The following PPHLN1 variants were observed in gnomAD, a reference collection of about 807,000 sequenced individuals.
PPHLN1 encodes the protein periphilin-1.
In PPHLN1, 29 loss-of-function variants were observed where a neutral mutation model predicts 51.3. The observed-to-expected ratio is 0.57, with a 90% CI of 0.42 to 0.77. The LOEUF is 0.77. PPHLN1 is among the 30% of genes least tolerant of loss of function. The pLI, the probability that PPHLN1 is intolerant of heterozygous loss-of-function variation, is 0.00. For synonymous variants in PPHLN1, 147 were observed against 147.8 expected (o/e 0.99, Z 0.04); for missense variants, 436 against 438.4 (o/e 0.99, Z 0.05).
rs149247860 is a variant in PPHLN1 at position 42,389,161 on chromosome 12, A to G, written c.648+1626A>G. Among the ~76,000 whole-genome samples, 1,353 of 151,960 alleles carry G rather than the reference A, an allele frequency of 8.9e-3. 8 individuals carry two copies. The highest frequency in any genetic ancestry group is 0.013 in the Non-Finnish European group (867 of 67,936). On this transcript the variant is annotated intron_variant, in intron 7 of 9. Transcript: ENST00000358314. The stretch of plus-strand genomic sequence containing the variant: ...GCCGAGGCAGGCGGATCATGAGGTC[A>G]AGAGATCGAGACCATCCTGGCCAAC...
chr12:42,330,545 G>T (rs1464166026), intron 1 of PPHLN1, among the ~76,000 whole-genome samples: 1 of 152,156 alleles, frequency 6.6e-6, no homozygotes, highest in Non-Finnish European at 1.5e-5. Context: ...CAAGCAAACT[G>T]CCTGTAAACA....
intron 9 of PPHLN1, among the ~76,000 whole-genome samples, chr12:42,424,831 A>C (rs1365044738): frequency 1.3e-5 from 2 of 152,242 alleles, no homozygotes; most frequent in Non-Finnish European, 2.9e-5. Flanking sequence ...TACTATAAAA[A>C]AATGAAAGTT....
intron 4 of PPHLN1, among the ~76,000 whole-genome samples, chr12:42,367,659 CTG>C (rs2075400327): frequency 1.3e-5 from 2 of 152,026 alleles, no homozygotes; most frequent in South Asian, 4.2e-4. Flanking sequence ...TATCGTTTGT[CTG>C]TTTTTTATTA....
At chr12:42,432,124 T>G in intron 9 of PPHLN1, 1 of 1,333,230 alleles carries the variant, frequency 7.5e-7, no homozygotes, top group Non-Finnish European at 1.1e-6. Context: ...GGGCATCTCC[T>G]GCTGTCACGC....
chr12:42,329,794 C>T (rs1425530340), intron 1 of PPHLN1: 1 of 152,092 alleles, frequency 6.6e-6, no homozygotes, highest in Non-Finnish European at 1.5e-5. Context: ...GTGGCCTGCC[C>T]CTCCACACCT....
chr12:42,393,606 C>T lies in PPHLN1; in HGVS notation c.685C>T (p.Leu229Phe), dbSNP rs761717714. The T allele has an allele frequency of 5.0e-6, 8 of 1,609,854 alleles. No homozygotes were observed. The highest frequency in any genetic ancestry group is 5.9e-6 in the Non-Finnish European group (7 of 1,178,428). ...ACCCAGTAGGCTAACTGAAAAGGAA[C>T]TTGCTGAGGCTGCAAGCAAGTGGGC... is the stretch of plus-strand genomic sequence containing the variant. ...DKPSRLTEKE[L>F]AEAASKWAAE... The change falls in exon 8 of 10, where the codon CTT (leucine) becomes TTT (phenylalanine). Residue 229 changes from leucine to phenylalanine, a missense_variant. By Grantham distance (22) the Leu-to-Phe change is conservative. Transcript: ENST00000358314.
chr12:42,373,752 G>T (rs890888304), intron 4 of PPHLN1, among the ~76,000 whole-genome samples: 6 of 152,080 alleles, frequency 3.9e-5, no homozygotes, highest in Non-Finnish European at 7.4e-5. Flanking sequence ...GGGCTTACTT[G>T]GTGCTTTGAG....
chr12:42,407,192 T>C (rs2139445296), intron 9 of PPHLN1, among the ~76,000 whole-genome samples: 1 of 152,252 alleles, frequency 6.6e-6, no homozygotes, highest in Non-Finnish European at 1.5e-5. Flanking sequence ...TTGTAGAAAT[T>C]TTAGAGTCAG....
At chr12:42,436,147 A>G (rs1444687195) in intron 9 of PPHLN1, among the ~76,000 whole-genome samples, 1 of 152,202 alleles carries the variant, frequency 6.6e-6, no homozygotes, top group Non-Finnish European at 1.5e-5. Flanking sequence ...CTGGCATTTG[A>G]TTGACTGTGT....
chr12:42,417,615 C>T (rs1009946629), intron 9 of PPHLN1, among the ~76,000 whole-genome samples: 5 of 151,922 alleles, frequency 3.3e-5, no homozygotes, highest in Non-Finnish European at 4.4e-5. Context: ...AAAGGCAAAC[C>T]GGATTATTTA....
At chr12:42,428,483 C>T (rs1040000481) in intron 9 of PPHLN1, among the ~76,000 whole-genome samples, 1 of 152,124 alleles carries the variant, frequency 6.6e-6, no homozygotes, top group African/African-American at 2.4e-5. Flanking sequence ...AGATTGGAGA[C>T]TGTTATTCTA....
chr12:42,360,417 A>T (rs192574582), intron 4 of PPHLN1, among the ~76,000 whole-genome samples: 109 of 120,816 alleles, frequency 9.0e-4, no homozygotes, highest in African/African-American at 3.4e-3. Flanking sequence ...GGTCTAGGTT[A>T]TAGGTTTTTG....
intron 4 of PPHLN1, among the ~76,000 whole-genome samples, chr12:42,371,723 C>T (rs2075822223): frequency 6.6e-6 from 1 of 152,106 alleles, no homozygotes; most frequent in Non-Finnish European, 1.5e-5. Flanking sequence ...ATAAAATGCA[C>T]ACTGGATTTT....
At position 42,439,109 on chromosome 12, in the gene PPHLN1, C is replaced by T. The variant is rs866207215; in HGVS notation, c.910-2206C>T. Among the ~76,000 whole-genome samples, 8 of 152,280 alleles carry T rather than the reference C, an allele frequency of 5.3e-5. 1 individual carries two copies. The highest frequency in any genetic ancestry group is 6.8e-3 in the Middle Eastern group (2 of 294). Reference sequence around the variant, plus strand: ...CTTTGATGTTATATTTAAAAGTCGTCACCAAACTCAAGATCACCTAGATTT... The same window carrying T: ...CTTTGATGTTATATTTAAAAGTCGTTACCAAACTCAAGATCACCTAGATTT... On this transcript the variant is annotated intron_variant, in intron 9 of 9. Transcript: ENST00000358314.
chr12:42,384,803 G>A (rs1298152212), intron 5 of PPHLN1, 137 bp from the exon 6 acceptor site: 36 of 688,230 alleles, frequency 5.2e-5, no homozygotes, highest in Middle Eastern at 3.6e-4. Flanking sequence ...CTTGAAAGTA[G>A]GGTAGGAAAG....
At chr12:42,335,265 A>G (rs535747787) in intron 1 of PPHLN1, among the ~76,000 whole-genome samples, 1 of 152,044 alleles carries the variant, frequency 6.6e-6, no homozygotes, top group Middle Eastern at 3.4e-3. Context: ...CAGAACTTTT[A>G]ATTTCACATT....
At chr12:42,401,586 GAT>G (rs1372855245) in intron 9 of PPHLN1, among the ~76,000 whole-genome samples, 2 of 151,958 alleles carry the variant, frequency 1.3e-5, no homozygotes, top group East Asian at 3.9e-4. Context: ...GGTGGCATTA[GAT>G]TGTCACAGAA....
intron 5 of PPHLN1, among the ~76,000 whole-genome samples, chr12:42,380,220 T>G (rs953975004): frequency 6.6e-6 from 1 of 152,116 alleles, no homozygotes; most frequent in African/African-American, 2.4e-5. Flanking sequence ...CCAGAGATGC[T>G]TACATATTTA....
At chr12:42,369,917 A>G (rs1298871492) in intron 4 of PPHLN1, among the ~76,000 whole-genome samples, 3 of 152,164 alleles carry the variant, frequency 2.0e-5, no homozygotes, top group African/African-American at 4.8e-5. Context: ...CTGACTCACA[A>G]TCTTCTCTAT....
Sources: gnomAD v4.1 joint callset for allele counts (sites outside exome capture counted in the v4.1 genomes callset) on GRCh38, gnomAD v4.1.1 for gene constraint, MANE v1.5 for transcripts, NCBI Gene and HGNC (gene_info 2026-07-23, HGNC 2026-07-21) for gene names.